The following FAM222A variants were observed in gnomAD, a reference collection of about 807,000 sequenced individuals.
The protein encoded by FAM222A is family with sequence similarity 222 member A, also known as protein FAM222A.
In FAM222A, 7 loss-of-function variants were observed where a neutral mutation model predicts 25.8. The ratio of observed to expected loss-of-function variants is 0.27; its 90% confidence interval spans 0.15 to 0.51. The LOEUF (loss-of-function observed/expected upper bound fraction) is 0.51. Ranked by LOEUF, FAM222A falls within the 20% of genes least tolerant of loss-of-function variation. FAM222A has a pLI of 0.97. For synonymous variants in FAM222A, 294 were observed against 298.8 expected (o/e 0.98, Z 0.17); for missense variants, 573 against 640.5 (o/e 0.89, Z 1.14).
Position 109,769,224 on chromosome 12 carries a change from C to T in FAM222A, c.1295C>T (p.Thr432Met), listed in dbSNP as rs184096985. 13 of 1,611,896 alleles carry T rather than the reference C, an allele frequency of 8.1e-6. No homozygotes were observed. The Middle Eastern group carries it at 6.6e-4, about 82-fold the overall frequency. The part of the protein sequence containing the change: ...KEQMLGKGYE[T>M]VAVPRLLDHQ... ...CAGATGCTGGGCAAGGGCTATGAGA[C>T]GGTGGCCGTGCCCCGGCTACTCGAC... The change falls in exon 3 of 3, where the codon ACG becomes ATG. Residue 432 changes from threonine (T) to methionine (M), a missense_variant. Thr to Met is a moderately conservative substitution (Grantham distance 81). Around this residue, in one of 3 missense-constraint regions of FAM222A, gnomAD observed 49 missense variants for 78.9 expected, o/e 0.62. Transcript: ENST00000538780.
At chr12:109,755,328 T>C (rs1888693982) in intron 2 of FAM222A, among the ~76,000 whole-genome samples, 1 of 70,152 alleles carries the variant, frequency 1.4e-5, no homozygotes, top group Non-Finnish European at 2.7e-5. Context: ...TTTTTTTTTT[T>C]TGAGACAGAG....
intron 1 of FAM222A, chr12:109,720,197 G>A (rs1304475251): frequency 2.0e-6 from 2 of 985,292 alleles, no homozygotes; most frequent in East Asian, 1.1e-4. Flanking sequence ...GGGCCCTGGG[G>A]GCCCCTGCTA....
chr12:109,727,196 C>T (rs187393518), intron 1 of FAM222A, among the ~76,000 whole-genome samples: 85 of 152,274 alleles, frequency 5.6e-4, no homozygotes, highest in African/African-American at 1.9e-3. Flanking sequence ...CTGGGACACA[C>T]TGGCCTTTGT....
chr12:109,757,799 T>C (rs567682282), intron 2 of FAM222A, among the ~76,000 whole-genome samples: 1 of 151,720 alleles, frequency 6.6e-6, no homozygotes, highest in East Asian at 1.9e-4. Flanking sequence ...CAGAACAACA[T>C]GTATATGGCT....
intron 1 of FAM222A, among the ~76,000 whole-genome samples, chr12:109,721,914 A>G (rs1204769657): frequency 6.6e-6 from 1 of 152,104 alleles, no homozygotes; most frequent in Middle Eastern, 3.4e-3. Context: ...TTCTTAACCC[A>G]TTTTAGAGAT....
intron 2 of FAM222A, among the ~76,000 whole-genome samples, chr12:109,758,358 C>G (rs747241198): frequency 6.6e-6 from 1 of 152,246 alleles, no homozygotes; most frequent in Non-Finnish European, 1.5e-5. Context: ...ACCAGGCTGA[C>G]TGACATGCAT....
At chr12:109,733,408 T>G (rs896592454) in intron 1 of FAM222A, among the ~76,000 whole-genome samples, 5 of 151,900 alleles carry the variant, frequency 3.3e-5, no homozygotes, top group African/African-American at 7.2e-5. Flanking sequence ...TTATTACATT[T>G]TTTTTTTTTT....
chr12:109,725,641 C>T (rs983761379), intron 1 of FAM222A, among the ~76,000 whole-genome samples: 2 of 152,050 alleles, frequency 1.3e-5, no homozygotes, highest in African/African-American at 4.8e-5. Flanking sequence ...AGGCACCAGG[C>T]AGCCCATTCC....
chr12:109,767,891 G>A, intron 2 of FAM222A, 121 bp from the exon 3 acceptor site: 1 of 1,012,540 alleles, frequency 9.9e-7, no homozygotes, highest in South Asian at 1.7e-5. Flanking sequence ...GTTTAAAAAT[G>A]TAGAAGGAAT....
At chr12:109,764,114 C>T (rs1165480084) in intron 2 of FAM222A, among the ~76,000 whole-genome samples, 2 of 150,408 alleles carry the variant, frequency 1.3e-5, no homozygotes, top group Admixed American at 1.3e-4. Context: ...CTTGTAGTTC[C>T]AGCTACTTGG....
At chr12:109,755,284 CTTCTTTTTTTTTTTTTTTT>C (rs1888689650) in intron 2 of FAM222A, among the ~76,000 whole-genome samples, 2 of 67,966 alleles carry the variant, frequency 2.9e-5, no homozygotes, top group Non-Finnish European at 5.8e-5. Flanking sequence ...GTCTGTAATT[CTTCTTTTTTTTTTTTTTTT>C]TTTTTTTTTT....
chr12:109,733,956 T>C (rs1053319256), intron 1 of FAM222A, among the ~76,000 whole-genome samples: 3 of 152,112 alleles, frequency 2.0e-5, no homozygotes, highest in African/African-American at 7.2e-5. Flanking sequence ...CTCATACCTA[T>C]AATTCCAGCA....
At chr12:109,748,330 C>CTTTTTTTTTTTTTTT (rs1410740242) in intron 2 of FAM222A, among the ~76,000 whole-genome samples, 1 of 40,444 alleles carries the variant, frequency 2.5e-5, no homozygotes, top group Non-Finnish European at 5.2e-5. Flanking sequence ...CTTTGGTTTT[C>CTTTTTTTTTTTTTTT]TTTCTTTTTT....
intron 2 of FAM222A, among the ~76,000 whole-genome samples, chr12:109,761,738 T>C (rs1888903590): frequency 6.6e-6 from 1 of 152,176 alleles, no homozygotes; most frequent in Admixed American, 6.5e-5. Context: ...GTGGGTACTC[T>C]GCCTGGAGCT....
At chr12:109,757,865 G>A (rs1888779542) in intron 2 of FAM222A, among the ~76,000 whole-genome samples, 1 of 152,206 alleles carries the variant, frequency 6.6e-6, no homozygotes. Context: ...AGGCCGGGCT[G>A]AAGGCAAAAG....
In FAM222A at chr12:109,768,572, G is replaced by A. The variant is rs200837548; in HGVS notation, c.643G>A (p.Ala215Thr). Residue 215 changes from alanine to threonine, a missense_variant, in exon 3 of 3, where the codon GCC becomes ACC. Physicochemically the swap from Ala to Thr is moderately conservative, Grantham distance 58 (BLOSUM62 0). Coordinates refer to ENST00000538780, the MANE Select transcript of FAM222A (RefSeq NM_032829.3). ...CAACCAGCAGTGCCAGGCCCCGGGC[G>A]CCGCACCCCCTGCCTGCCAGGGCAT... ...QLNQQCQAPG[A>T]APPACQGMAI... 21 of 1,601,404 alleles carry A rather than the reference G, an allele frequency of 1.3e-5. No individual in the cohort carries two copies. Among genetic ancestry groups the A allele is most frequent in the Non-Finnish European group, 1.7e-5 (20 of 1,175,614 alleles).
chr12:109,761,911 G>T lies in FAM222A; in HGVS notation c.83-6101G>T, dbSNP rs1292772954. ...TGGCCCTGAAGCCTGCCGGTTTGCA[G>T]TGCACTCCCACCTCTCCAGCCTGTC... is the stretch of plus-strand genomic sequence containing the variant. On this transcript the variant is annotated intron_variant, in intron 2 of 2. Coordinates refer to ENST00000538780, the MANE Select transcript of FAM222A (RefSeq NM_032829.3). Among the ~76,000 whole-genome samples, 4 of 152,188 alleles carry T rather than the reference G, an allele frequency of 2.6e-5. No individual in the cohort carries two copies. In the East Asian group the frequency reaches 5.8e-4, roughly 22 times the overall value.
At chr12:109,754,789 TCCTGAATAG>T (rs1198702345) in intron 2 of FAM222A, among the ~76,000 whole-genome samples, 1 of 151,952 alleles carries the variant, frequency 6.6e-6, no homozygotes, top group Non-Finnish European at 1.5e-5. Context: ...CACCTCAGCC[TCCTGAATAG>T]CTGGGACTAC....
intron 2 of FAM222A, among the ~76,000 whole-genome samples, chr12:109,756,641 G>A (rs1592795865): frequency 6.6e-6 from 1 of 152,150 alleles, no homozygotes. Flanking sequence ...TGTCAATATG[G>A]TATTAACATT....
Sources: allele counts gnomAD v4.1 joint callset (sites outside exome capture counted in the v4.1 genomes callset), GRCh38; gene constraint gnomAD v4.1.1; regional missense constraint gnomAD v4.1.1; transcripts MANE v1.5; gene names NCBI Gene and HGNC (gene_info 2026-07-23, HGNC 2026-07-21).